Variants in CEP83 observed in about 807,000 individuals in gnomAD.
The protein encoded by CEP83 is centrosomal protein 83.
In CEP83, 70 loss-of-function variants were observed where a neutral mutation model predicts 101.9. The observed-to-expected ratio is 0.69, with a 90% CI of 0.57 to 0.84. The LOEUF (loss-of-function observed/expected upper bound fraction) is 0.84. CEP83 is among the 40% of genes least tolerant of loss of function. The probability of loss-of-function intolerance (pLI) is 0.00; values close to 1 mark genes in which losing one functional copy is unlikely to be tolerated. For synonymous variants in CEP83, 264 were observed against 267.9 expected (o/e 0.99, Z 0.14); for missense variants, 715 against 787.2 (o/e 0.91, Z 1.10).
At chr12:94,266,054 C>T in the CEP83 span, among the ~76,000 whole-genome samples, 2 of 152,068 alleles carry the variant, frequency 1.3e-5, no homozygotes, top group Non-Finnish European at 2.9e-5. Flanking sequence ...TTCACGATCT[C>T]GTTAGTGGAG....
intron 2 of CEP83, among the ~76,000 whole-genome samples, chr12:94,421,476 C>T (rs1450914830): frequency 6.6e-6 from 1 of 152,134 alleles, no homozygotes; most frequent in African/African-American, 2.4e-5. Flanking sequence ...ATCCTGTTGG[C>T]TTAATTCTCC....
At chr12:94,425,377 C>T (rs1045829382) in intron 2 of CEP83, among the ~76,000 whole-genome samples, 4 of 152,282 alleles carry the variant, frequency 2.6e-5, no homozygotes, top group East Asian at 3.9e-4. Context: ...GGGATCCTGT[C>T]AGATCATGCC....
chr12:94,415,023 AGT>A (rs2064164530), intron 2 of CEP83, among the ~76,000 whole-genome samples: 1 of 152,254 alleles, frequency 6.6e-6, no homozygotes, highest in South Asian at 2.1e-4. Flanking sequence ...TGGTGAAAAA[AGT>A]GTTTTAAATG....
intron 2 of CEP83, among the ~76,000 whole-genome samples, chr12:94,418,487 G>T (rs1004786158): frequency 1.3e-5 from 2 of 152,158 alleles, no homozygotes; most frequent in Non-Finnish European, 2.9e-5. Flanking sequence ...TTACTCGGCT[G>T]AACAATAGAC....
At chr12:94,331,214 C>T (rs192010856) in intron 14 of CEP83, among the ~76,000 whole-genome samples, 6 of 139,512 alleles carry the variant, frequency 4.3e-5, no homozygotes, top group Admixed American at 3.9e-4. Flanking sequence ...TCGCTTGAAC[C>T]CAGGGGATGG....
intron 6 of CEP83, 63 bp from the exon 7 acceptor site, chr12:94,379,105 C>T: frequency 1.5e-6 from 2 of 1,325,394 alleles, no homozygotes; most frequent in Non-Finnish European, 1.0e-6. Flanking sequence ...CATGAACATG[C>T]TTTACAAGTC....
At chr12:94,424,424 A>G in intron 2 of CEP83, 1 of 1,614,114 alleles carries the variant, frequency 6.2e-7, no homozygotes, top group South Asian at 1.1e-5. Context: ...TGTGGACTCC[A>G]TCCTTGCAAA....
chr12:94,279,350 C>T, the CEP83 span: 4 of 703,516 alleles, frequency 5.7e-6, no homozygotes, highest in African/African-American at 5.4e-5. Flanking sequence ...TAATGCAATA[C>T]AGTGTTTGCT....
At chr12:94,285,661 C>T in the CEP83 span, among the ~76,000 whole-genome samples, 7 of 152,268 alleles carry the variant, frequency 4.6e-5, no homozygotes, top group Non-Finnish European at 7.4e-5. Context: ...AACACGGCCC[C>T]AGAGGGAAGG....
the CEP83 span, among the ~76,000 whole-genome samples, chr12:94,287,872 C>G: frequency 6.6e-6 from 1 of 152,208 alleles, no homozygotes; most frequent in Non-Finnish European, 1.5e-5. Context: ...AGGGCTTTGA[C>G]CAACAGCAGC....
At chr12:94,406,966 G>A (rs2063579783) in intron 4 of CEP83, among the ~76,000 whole-genome samples, 1 of 150,012 alleles carries the variant, frequency 6.7e-6, no homozygotes, top group South Asian at 2.1e-4. Flanking sequence ...TTCCAGAGAC[G>A]AAAACTACAA....
chr12:94,419,092 T>C (rs2064513977), intron 2 of CEP83, among the ~76,000 whole-genome samples: 1 of 151,932 alleles, frequency 6.6e-6, no homozygotes, highest in Non-Finnish European at 1.5e-5. Context: ...GTTCTGATTG[T>C]GTATGTAGAA....
rs1479466904 is a variant in CEP83 at position 94,431,352 on chromosome 12, A to G, written c.-102+3923T>C. 2.0e-5 allele frequency among the ~76,000 whole-genome samples: 3 copies of G among 152,192 alleles called. No individual in the cohort carries two copies. The East Asian group carries it at 5.8e-4, about 29-fold the overall frequency. ...GACTATAAAATTACTAGAAGAAAAC[A>G]TAGGGAAAACACTTCAGGACATTGG... On this transcript the variant is annotated intron_variant, in intron 2 of 16. Transcript: ENST00000397809.
chr12:94,319,377 T>C (rs1295877500), intron 14 of CEP83, among the ~76,000 whole-genome samples: 2 of 152,322 alleles, frequency 1.3e-5, no homozygotes, highest in Middle Eastern at 3.4e-3. Flanking sequence ...TTTGAATGGC[T>C]GTTCATGTTT....
chr12:94,368,232 T>C, intron 9 of CEP83, 31 bp from the exon 10 acceptor site: 2 of 1,535,608 alleles, frequency 1.3e-6, no homozygotes, highest in Non-Finnish European at 1.8e-6. Context: ...AAGTGTACTA[T>C]ATTCAATGTT....
the CEP83 span, among the ~76,000 whole-genome samples, chr12:94,265,911 T>A: frequency 6.6e-6 from 1 of 152,166 alleles, no homozygotes; most frequent in African/African-American, 2.4e-5. Context: ...ATTTGGGAAT[T>A]TCAGAGAGGG....
intron 8 of CEP83, among the ~76,000 whole-genome samples, chr12:94,374,790 T>G (rs1031074854): frequency 6.6e-6 from 1 of 152,218 alleles, no homozygotes; most frequent in Admixed American, 6.5e-5. Flanking sequence ...ATATCACCAG[T>G]GTATAATCAC....
intron 4 of CEP83, among the ~76,000 whole-genome samples, chr12:94,405,252 T>C (rs1301956318): frequency 6.6e-6 from 1 of 152,210 alleles, no homozygotes; most frequent in Non-Finnish European, 1.5e-5. Context: ...TAAGAAAATC[T>C]GAACAAAGGT....
the CEP83 span, chr12:94,279,808 C>A: frequency 1.4e-6 from 1 of 730,158 alleles, no homozygotes; most frequent in Non-Finnish European, 2.5e-6. Context: ...GGCCAAGAGA[C>A]TGCTTTGGTC....
Sources: allele counts gnomAD v4.1 joint callset (sites outside exome capture counted in the v4.1 genomes callset), GRCh38; gene constraint gnomAD v4.1.1; transcripts MANE v1.5; gene names NCBI Gene and HGNC (gene_info 2026-07-23, HGNC 2026-07-21).